TXNRD2: variants seen among roughly 807,000 people sequenced by gnomAD.
TXNRD2 encodes thioredoxin reductase 2, mitochondrial.
A neutral mutation model predicts 70.8 loss-of-function variants in TXNRD2; 67 were observed. The observed-to-expected ratio is 0.95, with a 90% CI of 0.78 to 1.16. TXNRD2 has a LOEUF of 1.16. Among genes scored for constraint, TXNRD2 ranks in the 50% most tolerant of loss-of-function variants. The probability of loss-of-function intolerance (pLI) is 0.00; values close to 1 mark genes in which losing one functional copy is unlikely to be tolerated. For missense variants in TXNRD2, 644 were observed against 719.9 expected (o/e 0.89, Z 1.21); for synonymous variants, 301 against 295.8 (o/e 1.02, Z -0.18).
chr22:19,930,966 C>T, intron 2 of TXNRD2, 64 bp downstream of exon 2: 3 of 1,490,236 alleles, frequency 2.0e-6, no homozygotes, highest in Non-Finnish European at 2.8e-6. Flanking sequence ...TTCTGGACAG[C>T]ACCACCCTCT....
chr22:19,893,400 C>T (rs1218912324), intron 11 of TXNRD2, among the ~76,000 whole-genome samples: 1 of 152,246 alleles, frequency 6.6e-6, no homozygotes, highest in Non-Finnish European at 1.5e-5. Context: ...CGGCCAGGCA[C>T]CGAGGTGGGT....
rs575338380 is a variant in TXNRD2 at position 19,923,968 on chromosome 22, A to AT, written c.173-4370dup. ...ACTGCAGGCCATTCAGGTAGACTTGATTTTTTTTTTAATTTAAAAAAAGGC... is the reference window on the plus strand; with the variant it reads ...ACTGCAGGCCATTCAGGTAGACTTGATTTTTTTTTTTAATTTAAAAAAAGGC... On this transcript the variant is annotated intron_variant, in intron 2 of 17. Coordinates refer to ENST00000400521, the MANE Select transcript of TXNRD2 (RefSeq NM_006440.5). Among the ~76,000 whole-genome samples, 114 of 140,708 alleles carry AT rather than the reference A, an allele frequency of 8.1e-4. No individual in the cohort carries two copies. The East Asian group carries it at 0.018, about 22-fold the overall frequency. 92.3% of individuals were successfully genotyped at this position (140,708 alleles called of 152,430 possible). A position where few individuals can be genotyped will look rare whatever the true frequency, so the allele number is the denominator to read the frequency against.
intron 2 of TXNRD2, among the ~76,000 whole-genome samples, chr22:19,930,187 A>C (rs1941305862): frequency 6.6e-6 from 1 of 152,176 alleles, no homozygotes; most frequent in African/African-American, 2.4e-5. Context: ...ACAGAGCAAG[A>C]GTAGTGGATT....
At chr22:19,893,018 C>T (rs1939335481) in intron 11 of TXNRD2, among the ~76,000 whole-genome samples, 1 of 152,254 alleles carries the variant, frequency 6.6e-6, no homozygotes, top group East Asian at 1.9e-4. Flanking sequence ...CCTCCCCGGT[C>T]ATCACCTCTG....
chr22:19,935,234 G>C (rs991296859), intron 1 of TXNRD2, among the ~76,000 whole-genome samples: 7 of 152,130 alleles, frequency 4.6e-5, no homozygotes, highest in South Asian at 2.1e-4. Context: ...TTCCTGGGGG[G>C]AGGTCTGTAA....
intron 12 of TXNRD2, 136 bp downstream of exon 12, chr22:19,883,189 G>A: frequency 8.7e-7 from 1 of 1,151,768 alleles, no homozygotes; most frequent in South Asian, 1.5e-5. Flanking sequence ...GGCTGGCCCT[G>A]GGGTTTGGCC....
chr22:19,884,918 C>A (rs1231588715), intron 11 of TXNRD2, among the ~76,000 whole-genome samples: 2 of 152,160 alleles, frequency 1.3e-5, no homozygotes, highest in African/African-American at 4.8e-5. Flanking sequence ...ACCTCAGGGC[C>A]AAGGGGAGCT....
intron 1 of TXNRD2, chr22:19,932,428 G>GT (rs1274571662): frequency 6.2e-7 from 1 of 1,612,134 alleles, no homozygotes; most frequent in Admixed American, 1.7e-5. Context: ...AGGTGTCATC[G>GT]TGTCTACTCT....
chr22:19,914,980 G>C (rs367896162), intron 7 of TXNRD2: 4 of 537,400 alleles, frequency 7.4e-6, no homozygotes, highest in Admixed American at 2.7e-5. Flanking sequence ...CGGGGCAGGG[G>C]GAGAGCAGAA....
chr22:19,925,706 C>T (rs1941113462), intron 2 of TXNRD2, among the ~76,000 whole-genome samples: 2 of 151,942 alleles, frequency 1.3e-5, no homozygotes, highest in South Asian at 4.2e-4. Context: ...AAAGACCTAA[C>T]TGTAAGAGCT....
chr22:19,897,843 C>G (rs1219288151), intron 10 of TXNRD2, among the ~76,000 whole-genome samples, 196 bp downstream of exon 10: 1 of 152,236 alleles, frequency 6.6e-6, no homozygotes, highest in Non-Finnish European at 1.5e-5. Context: ...GCTGTGCGCC[C>G]CACTGCCACC....
intron 4 of TXNRD2, among the ~76,000 whole-genome samples, 155 bp downstream of exon 4, chr22:19,918,705 A>C (rs1440323057): frequency 6.6e-6 from 1 of 152,164 alleles, no homozygotes; most frequent in Non-Finnish European, 1.5e-5. Flanking sequence ...AGACATTCCC[A>C]AATGTCTGAG....
rs184696399 is a variant in TXNRD2 at position 19,918,045 on chromosome 22, C to G, written c.449+98G>C. The G allele has an allele frequency of 1.2e-3, 1,262 of 1,070,660 alleles. 4 individuals are homozygous for G. Among genetic ancestry groups the G allele is most frequent in the Non-Finnish European group, 1.7e-3 (1,181 of 692,878 alleles). The allele number at this position is 1,070,660 out of a possible 1,614,324, so 66.3% of individuals were successfully genotyped here. A position where few individuals can be genotyped will look rare whatever the true frequency, so the allele number is the denominator to read the frequency against. ...CAGGACATGAACCCCCAGAGCCTGC[C>G]AGAGCATGCTCTGCACAGTAAGTAA... On this transcript the variant is annotated intron_variant, in intron 5 of 17. Coordinates refer to ENST00000400521, the MANE Select transcript of TXNRD2 (RefSeq NM_006440.5).
intron 11 of TXNRD2, chr22:19,891,356 C>T (rs1939255471): frequency 6.6e-6 from 1 of 152,324 alleles, no homozygotes; most frequent in South Asian, 2.1e-4. Context: ...ATGGGCAGGA[C>T]TCCTGTGGTG....
rs529452623 is a variant in TXNRD2, at chr22:19,884,692, A to G, written c.950-1231T>C. The stretch of plus-strand genomic sequence containing the variant: ...TCCCTATCTGGACAAGCTGAAGAGG[A>G]GCCAGCCACACCCTGGACTGTACCC... On this transcript the variant is annotated intron_variant, in intron 11 of 17. Transcript: ENST00000400521. Among the ~76,000 whole-genome samples, 22 of 152,246 alleles carry G rather than the reference A, an allele frequency of 1.4e-4. 1 individual carries two copies. The highest frequency in any genetic ancestry group is 6.8e-3 in the Middle Eastern group (2 of 294).
At chr22:19,909,168 T>C (rs1249673819) in intron 8 of TXNRD2, among the ~76,000 whole-genome samples, 1 of 144,662 alleles carries the variant, frequency 6.9e-6, no homozygotes, top group Non-Finnish European at 1.5e-5. Flanking sequence ...ATCGCACCAC[T>C]GCACTCCAGC....
intron 7 of TXNRD2, among the ~76,000 whole-genome samples, chr22:19,912,605 C>A (rs1185138297): frequency 1.3e-5 from 2 of 152,220 alleles, no homozygotes; most frequent in Admixed American, 6.5e-5. Flanking sequence ...TTAAGCAGAA[C>A]CACCATGAGC....
chr22:19,898,225 A>G (rs1939605379), intron 9 of TXNRD2, 95 bp from the exon 10 acceptor site: 3 of 1,178,620 alleles, frequency 2.5e-6, no homozygotes, highest in South Asian at 2.6e-5. Flanking sequence ...CACCCCACCC[A>G]TCCATGGCTG....
chr22:19,894,970 A>C (rs1939431157), intron 11 of TXNRD2: 1 of 109,888 alleles, frequency 9.1e-6, no homozygotes, highest in Non-Finnish European at 1.4e-5. Flanking sequence ...ACTCCATCTC[A>C]AAAAAAAAAA....
Sources: allele counts gnomAD v4.1 joint callset (sites outside exome capture counted in the v4.1 genomes callset), GRCh38; gene constraint gnomAD v4.1.1; transcripts MANE v1.5; gene names NCBI Gene and HGNC (gene_info 2026-07-23, HGNC 2026-07-21).